The following NBEA variants were observed in gnomAD, a reference collection of about 807,000 sequenced individuals.
NBEA encodes the protein neurobeachin, also known as lysosomal-trafficking regulator 2.
NBEA carries 44 observed loss-of-function variants against 343.4 expected under a neutral mutation model. The observed-to-expected ratio is 0.13, with a 90% CI of 0.10 to 0.16. The LOEUF (loss-of-function observed/expected upper bound fraction) is 0.16, where lower values mean the gene tolerates loss of function less well. NBEA is among the 10% of genes least tolerant of loss of function. The probability of loss-of-function intolerance (pLI) is 1.00; values close to 1 mark genes in which losing one functional copy is unlikely to be tolerated. For synonymous variants in NBEA, 1,175 were observed against 1,238.7 expected, an observed-to-expected ratio of 0.95 and a Z score of 1.08; for missense variants, 2,555 against 3,631.3, an observed-to-expected ratio of 0.70 and a Z score of 7.62.
intron 36 of NBEA, among the ~76,000 whole-genome samples, chr13:35,319,840 A>G (rs1317768526): frequency 6.6e-6 from 1 of 151,878 alleles, no homozygotes; most frequent in Non-Finnish European, 1.5e-5. Context: ...CTTTACCATT[A>G]CATAATTCCC....
chr13:35,439,145 T>C (rs918908070), intron 39 of NBEA, among the ~76,000 whole-genome samples: 1 of 152,152 alleles, frequency 6.6e-6, no homozygotes, highest in African/African-American at 2.4e-5. Context: ...ATCTAATTGG[T>C]AGAAACCAGG....
chr13:35,470,776 G>T (rs2075608942), intron 40 of NBEA, among the ~76,000 whole-genome samples: 1 of 152,200 alleles, frequency 6.6e-6, no homozygotes, highest in Admixed American at 6.5e-5. Context: ...GCCGCCAAGC[G>T]CGCGCACAGA....
intron 39 of NBEA, among the ~76,000 whole-genome samples, chr13:35,440,167 A>G (rs2045659375): frequency 6.6e-6 from 1 of 152,338 alleles, no homozygotes; most frequent in Non-Finnish European, 1.5e-5. Flanking sequence ...GGCATGAGCT[A>G]CCATGCCCAG....
At chr13:35,180,902 A>G (rs564087353) in intron 28 of NBEA, among the ~76,000 whole-genome samples, 1 of 151,914 alleles carries the variant, frequency 6.6e-6, no homozygotes, top group African/African-American at 2.4e-5. Flanking sequence ...GCTTCCACTT[A>G]TGAGTGAGAA....
intron 41 of NBEA, among the ~76,000 whole-genome samples, chr13:35,500,312 G>T (rs2152979543): frequency 6.6e-6 from 1 of 152,200 alleles, no homozygotes; most frequent in Admixed American, 6.5e-5. Flanking sequence ...CTTCATGTTT[G>T]CATCATTAGC....
chr13:35,002,020 TG>T (rs2061158820), intron 1 of NBEA, among the ~76,000 whole-genome samples: 1 of 152,106 alleles, frequency 6.6e-6, no homozygotes, highest in Non-Finnish European at 1.5e-5. Flanking sequence ...GCAAGAATTA[TG>T]GGGGAATAGC....
At chr13:34,986,914 C>T (rs1566125428) in intron 1 of NBEA, among the ~76,000 whole-genome samples, 1 of 150,880 alleles carries the variant, frequency 6.6e-6, no homozygotes, top group South Asian at 2.1e-4. Context: ...TGTCTCTGCA[C>T]ATGGGATGGG....
intron 34 of NBEA, among the ~76,000 whole-genome samples, chr13:35,254,414 C>T (rs866953014): frequency 9.3e-5 from 14 of 150,096 alleles, no homozygotes; most frequent in South Asian, 2.1e-4. Flanking sequence ...GCCCTGAACT[C>T]CTTCGCTAAG....
intron 13 of NBEA, among the ~76,000 whole-genome samples, chr13:35,111,913 C>CTTTTTT (rs773135374): frequency 4.1e-5 from 5 of 122,750 alleles, no homozygotes; most frequent in Non-Finnish European, 8.4e-5. Flanking sequence ...TAACACTTTC[C>CTTTTTT]TTTTTTTTTT....
chr13:35,563,682 T>C (rs925143674), intron 44 of NBEA, among the ~76,000 whole-genome samples: 5 of 151,822 alleles, frequency 3.3e-5, no homozygotes, highest in African/African-American at 1.2e-4. Context: ...ATTTAAAAAT[T>C]ACTAAAATTT....
chr13:35,083,202 A>G (rs1279362757), intron 10 of NBEA, among the ~76,000 whole-genome samples: 1 of 152,100 alleles, frequency 6.6e-6, no homozygotes, highest in Non-Finnish European at 1.5e-5. Flanking sequence ...TGTTTTTGTC[A>G]GGTTTGACAA....
At chr13:35,658,206 A>G (rs1035437191) in intron 55 of NBEA, among the ~76,000 whole-genome samples, 3 of 152,224 alleles carry the variant, frequency 2.0e-5, no homozygotes, top group Non-Finnish European at 2.9e-5. Flanking sequence ...GGACAAGATT[A>G]TCTTAAAGAT....
intron 17 of NBEA, among the ~76,000 whole-genome samples, chr13:35,129,237 T>C (rs2067287377): frequency 6.6e-6 from 1 of 152,044 alleles, no homozygotes; most frequent in Non-Finnish European, 1.5e-5. Flanking sequence ...AGAAAAGTGA[T>C]GAGTGTAAAA....
chr13:35,279,932 T>G (rs2034926925), intron 34 of NBEA, among the ~76,000 whole-genome samples: 2 of 152,158 alleles, frequency 1.3e-5, no homozygotes, highest in Non-Finnish European at 2.9e-5. Flanking sequence ...AAGTTATCCA[T>G]TTCTCCTGTC....
chr13:34,995,265 C>T (rs1446148883), intron 1 of NBEA, among the ~76,000 whole-genome samples: 18 of 151,990 alleles, frequency 1.2e-4, no homozygotes, highest in African/African-American at 3.6e-4. Context: ...CCAGCCTGCC[C>T]AACATGGTGA....
At chr13:35,655,128 A>G in intron 54 of NBEA, 118 bp downstream of exon 54, 1 of 759,346 alleles carries the variant, frequency 1.3e-6, no homozygotes, top group South Asian at 3.4e-5. Flanking sequence ...TGAGTAGTCA[A>G]GATTCAAATT....
intron 52 of NBEA, 39 bp from the exon 53 acceptor site, chr13:35,651,766 A>G: frequency 8.0e-7 from 1 of 1,243,322 alleles, no homozygotes; most frequent in South Asian, 1.3e-5. Flanking sequence ...TCTTTCTGAG[A>G]ATTTTATGTT....
At chr13:35,296,450 A>C (rs1466072003) in intron 35 of NBEA, among the ~76,000 whole-genome samples, 1 of 151,870 alleles carries the variant, frequency 6.6e-6, no homozygotes, top group Non-Finnish European at 1.5e-5. Context: ...CATAATTCTA[A>C]TAAAATTGAG....
intron 8 of NBEA, among the ~76,000 whole-genome samples, chr13:35,068,233 C>A (rs1419824124): frequency 6.6e-6 from 1 of 152,066 alleles, no homozygotes; most frequent in East Asian, 1.9e-4. Context: ...TGGTATGTAT[C>A]ATGGACTCAG....
Sources: gnomAD v4.1 joint callset for allele counts (sites outside exome capture counted in the v4.1 genomes callset) on GRCh38, gnomAD v4.1.1 for gene constraint, MANE v1.5 for transcripts, NCBI Gene and HGNC (gene_info 2026-07-23, HGNC 2026-07-21) for gene names.